LIPA: variants seen among roughly 807,000 people sequenced by gnomAD.
The protein encoded by LIPA is lysosomal acid lipase/cholesteryl ester hydrolase.
Under a neutral mutation model 40.6 loss-of-function variants are expected in LIPA, and 26 were observed. The ratio of observed to expected loss-of-function variants is 0.64; its 90% CI spans 0.47 to 0.89. The LOEUF (loss-of-function observed/expected upper bound fraction) is 0.89, where lower values mean the gene tolerates loss of function less well. Among genes scored for constraint, LIPA ranks in the 40% least tolerant of loss-of-function variants. LIPA has a pLI of 0.00. For synonymous variants in LIPA, 188 were observed against 168.4 expected, an observed-to-expected ratio of 1.12 and a Z score of -0.90; for missense variants, 455 against 479.6, an observed-to-expected ratio of 0.95 and a Z score of 0.48.
At chr10:89,282,384 T>C (rs1336268285) in intron 1 of LIPA, among the ~76,000 whole-genome samples, 2 of 152,132 alleles carry the variant, frequency 1.3e-5, no homozygotes. Flanking sequence ...ATGCGTGTAA[T>C]CTCAGCACTT....
chr10:89,306,173 T>C, intron 1 of LIPA: 1 of 1,614,162 alleles, frequency 6.2e-7, no homozygotes, highest in South Asian at 1.1e-5. Flanking sequence ...AGCCCTGGAA[T>C]GCTTACGTAA....
Position 89,354,666 on chromosome 10 carries a change from C to T in LIPA, c.61+58125G>A, listed in dbSNP as rs540710504. On this transcript the variant is annotated intron_variant, in intron 2 of 8. Transcript: ENST00000371837. The stretch of plus-strand genomic sequence containing the variant: ...CAATGCAACCTCTGCCTCTCAGGTT[C>T]AAGCAATTCTACTGCTTCAGCCTCC... Among the ~76,000 whole-genome samples the T allele has an allele frequency of 2.0e-5, 3 of 152,310 alleles. No homozygotes were observed. The East Asian group carries it at 5.8e-4, about 29-fold the overall frequency.
At chr10:89,229,067 T>C (rs1190950714) in intron 3 of LIPA, among the ~76,000 whole-genome samples, 3 of 152,244 alleles carry the variant, frequency 2.0e-5, no homozygotes, top group South Asian at 2.1e-4. Context: ...ATGTCTATAG[T>C]AGTTTTACTC....
chr10:89,228,529 T>G, intron 3 of LIPA, 131 bp from the exon 4 acceptor site: 6 of 826,560 alleles, frequency 7.3e-6, no homozygotes, highest in South Asian at 1.5e-5. Flanking sequence ...AAGATTGACA[T>G]AGTGATGTAC....
chr10:89,266,270 C>CT (rs1379667727), intron 1 of LIPA, among the ~76,000 whole-genome samples: 1 of 152,152 alleles, frequency 6.6e-6, no homozygotes, highest in South Asian at 2.1e-4. Flanking sequence ...AATGATATGT[C>CT]TTTTTTTATG....
intron 7 of LIPA, among the ~76,000 whole-genome samples, chr10:89,223,374 C>T (rs1178624812): frequency 2.0e-5 from 3 of 152,076 alleles, no homozygotes; most frequent in Non-Finnish European, 4.4e-5. Flanking sequence ...TATGTTTATA[C>T]TTATAATGAT....
intron 2 of LIPA, among the ~76,000 whole-genome samples, chr10:89,408,539 C>A (rs939757455): frequency 6.6e-6 from 1 of 152,172 alleles, no homozygotes; most frequent in East Asian, 1.9e-4. Flanking sequence ...ACCACAAAAA[C>A]CCCAGGGCTA....
intron 1 of LIPA, among the ~76,000 whole-genome samples, chr10:89,297,179 C>A (rs1326231543): frequency 6.6e-6 from 1 of 152,198 alleles, no homozygotes; most frequent in Non-Finnish European, 1.5e-5. Flanking sequence ...CTTGGCATTT[C>A]AGGGAAAGGT....
intron 1 of LIPA, among the ~76,000 whole-genome samples, chr10:89,304,707 C>A (rs999817807): frequency 1.3e-5 from 2 of 152,176 alleles, no homozygotes; most frequent in Middle Eastern, 3.4e-3. Flanking sequence ...CAAAGTAATT[C>A]GAAATACAGG....
intron 1 of LIPA, among the ~76,000 whole-genome samples, chr10:89,317,278 G>A (rs1429931913): frequency 6.6e-6 from 1 of 152,200 alleles, no homozygotes; most frequent in African/African-American, 2.4e-5. Context: ...TCGAGCTAAG[G>A]GAGGATGTTT....
At chr10:89,233,978 G>C (rs1444680203) in intron 3 of LIPA, among the ~76,000 whole-genome samples, 2 of 152,134 alleles carry the variant, frequency 1.3e-5, no homozygotes. Context: ...CTCCCACAGG[G>C]AGCTCCATCC....
At chr10:89,391,772 C>T (rs563033092) in intron 2 of LIPA, among the ~76,000 whole-genome samples, 52 of 152,266 alleles carry the variant, frequency 3.4e-4, no homozygotes, top group Non-Finnish European at 6.8e-4. Context: ...TTGTCATCCG[C>T]CCACCTTGGC....
At chr10:89,313,220 G>C (rs1335830487) in intron 1 of LIPA, among the ~76,000 whole-genome samples, 1 of 152,142 alleles carries the variant, frequency 6.6e-6, no homozygotes, top group African/African-American at 2.4e-5. Flanking sequence ...CAAGCTCTCA[G>C]GTCAAAACAA....
At chr10:89,390,028 C>A (rs1440301530) in intron 2 of LIPA, among the ~76,000 whole-genome samples, 2 of 127,970 alleles carry the variant, frequency 1.6e-5, no homozygotes, top group Non-Finnish European at 3.1e-5. Flanking sequence ...GTTGCCCAGG[C>A]TGGAGTGCAA....
Position 89,213,924 on chromosome 10 carries a change from C to G in LIPA, c.*904G>C, listed in dbSNP as rs1842584426. On this transcript the variant is annotated 3_prime_UTR_variant, in exon 10 of 10. Coordinates refer to ENST00000336233, the MANE Select transcript of LIPA (RefSeq NM_000235.4). ...TCATTTGGGTGAAAATGAACAAGGA[C>G]ACTTCTCATGGGCAACCACGGGGCT... 6.6e-6 allele frequency: 1 copy of G among 152,162 alleles called. No individual in the cohort carries two copies. Among genetic ancestry groups the G allele is most frequent in the African/African-American group, 2.4e-5 (1 of 41,412 alleles). The allele number at this position is 152,162 out of a possible 1,614,324, so 9.4% of individuals were successfully genotyped here. A position where few individuals can be genotyped will look rare whatever the true frequency, so the allele number is the denominator to read the frequency against.
At chr10:89,361,835 C>T (rs1844023264) in intron 2 of LIPA, among the ~76,000 whole-genome samples, 1 of 133,166 alleles carries the variant, frequency 7.5e-6, no homozygotes, top group Admixed American at 8.0e-5. Context: ...TGGAAAACAG[C>T]TATGGGGAAA....
chr10:89,330,300 T>C (rs973821221), intron 1 of LIPA, among the ~76,000 whole-genome samples: 1 of 152,164 alleles, frequency 6.6e-6, no homozygotes, highest in Non-Finnish European at 1.5e-5. Context: ...AAATGGGGCT[T>C]AGAAGGGCAA....
rs192591239 is a variant in LIPA at position 89,366,112 on chromosome 10, C to G, written c.61+46679G>C. On this transcript the variant is annotated intron_variant, in intron 2 of 8. Transcript: ENST00000371837. ...GGAATGTTTTTCCATTTGTTTGTGT[C>G]CTCTTTTATTTCGTTGAGCATTGGT... 7.2e-5 allele frequency among the ~76,000 whole-genome samples: 11 copies of G among 152,210 alleles called. No individual in the cohort carries two copies. The East Asian group carries it at 2.1e-3, about 29-fold the overall frequency.
intron 2 of LIPA, among the ~76,000 whole-genome samples, chr10:89,375,219 T>C (rs1185053649): frequency 1.3e-5 from 2 of 152,192 alleles, no homozygotes; most frequent in Non-Finnish European, 2.9e-5. Flanking sequence ...GGTAAGTAAA[T>C]GTGGCTTAGA....
Sources: allele counts gnomAD v4.1 joint callset (sites outside exome capture counted in the v4.1 genomes callset), GRCh38; gene constraint gnomAD v4.1.1; transcripts MANE v1.5; gene names NCBI Gene and HGNC (gene_info 2026-07-23, HGNC 2026-07-21).